The following SPAG16 variants were observed in gnomAD, a reference collection of about 807,000 sequenced individuals.
The protein encoded by SPAG16 is sperm associated antigen 16.
A neutral mutation model predicts 80.4 loss-of-function variants in SPAG16; 86 were observed. The ratio of observed to expected loss-of-function variants is 1.07; its 90% CI spans 0.90 to 1.28. The LOEUF (loss-of-function observed/expected upper bound fraction) is 1.28, where lower values mean the gene tolerates loss of function less well. Ranked by LOEUF, SPAG16 falls within the 50% of genes most tolerant of loss-of-function variation. SPAG16 has a pLI of 0.00. For synonymous variants in SPAG16, 294 were observed against 265.9 expected (o/e 1.11, Z -1.03); for missense variants, 870 against 765.3 (o/e 1.14, Z -1.61).
At chr2:214,330,507 G>A (rs1696839180) in intron 15 of SPAG16, among the ~76,000 whole-genome samples, 1 of 152,214 alleles carries the variant, frequency 6.6e-6, no homozygotes, top group Non-Finnish European at 1.5e-5. Flanking sequence ...GGGAACACCT[G>A]TAAGAGAATG....
chr2:213,662,012 A>G (rs912897355), intron 10 of SPAG16, among the ~76,000 whole-genome samples: 2 of 152,180 alleles, frequency 1.3e-5, no homozygotes, highest in Non-Finnish European at 2.9e-5. Flanking sequence ...ATATATTTCT[A>G]TCTTTTCCTT....
intron 13 of SPAG16, among the ~76,000 whole-genome samples, chr2:214,032,621 C>A (rs1186581020): frequency 6.6e-6 from 1 of 151,964 alleles, no homozygotes; most frequent in Non-Finnish European, 1.5e-5. Context: ...ACAAAAGATG[C>A]CACTGGATTT....
At chr2:213,608,336 C>G (rs1477745287) in intron 10 of SPAG16, among the ~76,000 whole-genome samples, 1 of 152,128 alleles carries the variant, frequency 6.6e-6, no homozygotes, top group Non-Finnish European at 1.5e-5. Context: ...CCCCCCACCC[C>G]ACAACAGTCC....
intron 12 of SPAG16, among the ~76,000 whole-genome samples, chr2:213,978,356 T>C (rs1409873317): frequency 6.6e-6 from 1 of 152,120 alleles, no homozygotes; most frequent in African/African-American, 2.4e-5. Context: ...GAATATTCTT[T>C]CCTCAAATTT....
chr2:213,805,008 G>T (rs1389977246), intron 10 of SPAG16, among the ~76,000 whole-genome samples: 1 of 152,206 alleles, frequency 6.6e-6, no homozygotes, highest in Non-Finnish European at 1.5e-5. Context: ...TGGCTGTAAT[G>T]TAGCTAATGG....
At chr2:214,298,137 C>CATAG (rs1694283356) in intron 15 of SPAG16, among the ~76,000 whole-genome samples, 7 of 40,584 alleles carry the variant, frequency 1.7e-4, no homozygotes, top group Non-Finnish European at 3.8e-4. Flanking sequence ...CACACACATA[C>CATAG]ACATACACAC....
At chr2:214,085,682 C>G (rs1025093979) in intron 13 of SPAG16, among the ~76,000 whole-genome samples, 2 of 152,138 alleles carry the variant, frequency 1.3e-5, no homozygotes, top group South Asian at 4.1e-4. Context: ...CTTTGAACAT[C>G]CAGACTACAA....
At chr2:214,017,938 A>G (rs1489162492) in intron 13 of SPAG16, among the ~76,000 whole-genome samples, 2 of 152,158 alleles carry the variant, frequency 1.3e-5, no homozygotes, top group African/African-American at 4.8e-5. Context: ...GTTTAAATGA[A>G]ATATGATTCC....
intron 9 of SPAG16, among the ~76,000 whole-genome samples, chr2:213,399,164 T>C (rs944670378): frequency 4.6e-5 from 7 of 152,096 alleles, no homozygotes; most frequent in African/African-American, 9.6e-5. Context: ...GAAAGTTAAA[T>C]AGAAGTGGTT....
In SPAG16 at chr2:214,324,467, G is replaced by A. The variant is rs181530010; in HGVS notation, c.1721-85673G>A. Among the ~76,000 whole-genome samples, 38 of 152,266 alleles carry A rather than the reference G, an allele frequency of 2.5e-4. No homozygotes were observed. The East Asian group carries it at 6.8e-3, about 27-fold the overall frequency. ...TGCACATGCAAGATTTCCTCTCTAAGAATATCCTAGGACTTAAGAAGACTT... is the reference window on the plus strand; with the variant it reads ...TGCACATGCAAGATTTCCTCTCTAAAAATATCCTAGGACTTAAGAAGACTT... On this transcript the variant is annotated intron_variant, in intron 15 of 15. Coordinates refer to ENST00000331683, the MANE Select transcript of SPAG16 (RefSeq NM_024532.5).
chr2:214,332,903 A>G (rs1018084649), intron 15 of SPAG16, among the ~76,000 whole-genome samples: 2 of 152,180 alleles, frequency 1.3e-5, no homozygotes, highest in Non-Finnish European at 2.9e-5. Flanking sequence ...TGGAATGGGG[A>G]TAGGAGTTCC....
At chr2:213,807,291 C>G (rs1239554433) in intron 10 of SPAG16, among the ~76,000 whole-genome samples, 1 of 152,000 alleles carries the variant, frequency 6.6e-6, no homozygotes. Flanking sequence ...TTCTTGTCCT[C>G]GACTCCACCT....
intron 13 of SPAG16, among the ~76,000 whole-genome samples, chr2:214,074,781 A>C (rs2050984760): frequency 6.6e-6 from 1 of 152,206 alleles, no homozygotes; most frequent in Non-Finnish European, 1.5e-5. Context: ...AATATATTAA[A>C]AGGCATTAAA....
intron 15 of SPAG16, among the ~76,000 whole-genome samples, chr2:214,189,078 T>G (rs1363857757): frequency 1.3e-5 from 2 of 152,094 alleles, no homozygotes; most frequent in Non-Finnish European, 2.9e-5. Flanking sequence ...ACAAATCCAT[T>G]TGTATAAGTA....
intron 10 of SPAG16, among the ~76,000 whole-genome samples, chr2:213,830,645 T>C (rs946526685): frequency 6.6e-6 from 1 of 152,174 alleles, no homozygotes; most frequent in African/African-American, 2.4e-5. Context: ...TAATTCATTG[T>C]GAAAAATTAT....
chr2:213,434,209 C>T (rs1360644579), intron 9 of SPAG16, among the ~76,000 whole-genome samples: 2 of 152,064 alleles, frequency 1.3e-5, no homozygotes. Context: ...CATGAGCCAC[C>T]TCACCCAGCC....
At chr2:213,787,545 T>C (rs566095075) in intron 10 of SPAG16, among the ~76,000 whole-genome samples, 32 of 152,250 alleles carry the variant, frequency 2.1e-4, no homozygotes, top group Admixed American at 3.3e-4. Context: ...AGATTTTGGA[T>C]AGCCATGTAA....
At chr2:213,744,046 T>A (rs1391862176) in intron 10 of SPAG16, among the ~76,000 whole-genome samples, 1 of 152,208 alleles carries the variant, frequency 6.6e-6, no homozygotes, top group Non-Finnish European at 1.5e-5. Flanking sequence ...ATGGGAATAT[T>A]TGAGGCTAGA....
intron 15 of SPAG16, among the ~76,000 whole-genome samples, chr2:214,213,962 T>C (rs765397643): frequency 7.9e-5 from 12 of 152,170 alleles, no homozygotes; most frequent in South Asian, 2.1e-4. Flanking sequence ...ATTTTCTTCA[T>C]GGCCCCTTCA....
Sources: allele counts gnomAD v4.1 joint callset (sites outside exome capture counted in the v4.1 genomes callset), GRCh38; gene constraint gnomAD v4.1.1; transcripts MANE v1.5; gene names NCBI Gene and HGNC (gene_info 2026-07-23, HGNC 2026-07-21).